Variants in KPNA7 observed in about 807,000 individuals in gnomAD.
The protein encoded by KPNA7 is karyopherin subunit alpha 7, also known as importin subunit alpha-8.
A neutral mutation model predicts 53.7 loss-of-function variants in KPNA7; 54 were observed. The observed-to-expected ratio is 1.01, with a 90% CI of 0.81 to 1.26. The LOEUF (loss-of-function observed/expected upper bound fraction) is 1.26, where lower values mean the gene tolerates loss of function less well. Among genes scored for constraint, KPNA7 ranks in the 50% most tolerant of loss-of-function variants. The pLI is 0.00. For missense variants in KPNA7, 640 were observed against 644.5 expected, an observed-to-expected ratio of 0.99 and a Z score of 0.07; for synonymous variants, 276 against 259.3, an observed-to-expected ratio of 1.06 and a Z score of -0.62.
chr7:99,185,025 G>A lies in KPNA7; in HGVS notation c.1038C>T (p.Ala346=), dbSNP rs1288715915. ...CCGCTGCTACGTTGCTCAGGGCCCA[G>A]GCTGCCTCCTTCTGGATGGAGGGCT... ...HNKPSIQKEA[A]WALSNVAAGP... is the part of the protein sequence containing the mutation. Residue 346 remains alanine (A), a synonymous_variant, in exon 8 of 11, where the codon GCC becomes GCT. Coordinates refer to ENST00000327442, the MANE Select transcript of KPNA7 (RefSeq NM_001145715.3). 1.0e-5 allele frequency: 16 copies of A among 1,551,808 alleles called. No homozygotes were observed. Among genetic ancestry groups the A allele is most frequent in the African/African-American group, 2.7e-5 (2 of 73,044 alleles).
the KPNA7 span, among the ~76,000 whole-genome samples, chr7:99,163,378 T>TAC: frequency 1.4e-5 from 1 of 70,376 alleles, no homozygotes; most frequent in African/African-American, 5.6e-5. Flanking sequence ...TATATATATA[T>TAC]ATATATTTTT....
At chr7:99,167,631 T>TGCA in the KPNA7 span, among the ~76,000 whole-genome samples, 1 of 126,690 alleles carries the variant, frequency 7.9e-6, no homozygotes, top group African/African-American at 3.2e-5. Flanking sequence ...TTTTTTTTTT[T>TGCA]TTTTTTTTTT....
At chr7:99,160,819 A>G in the KPNA7 span, among the ~76,000 whole-genome samples, 1 of 151,968 alleles carries the variant, frequency 6.6e-6, no homozygotes, top group Non-Finnish European at 1.5e-5. Flanking sequence ...ACACCTCTGC[A>G]TAGCTCCTCC....
chr7:99,197,802 G>A (rs947003792), intron 3 of KPNA7, among the ~76,000 whole-genome samples: 3 of 152,156 alleles, frequency 2.0e-5, no homozygotes, highest in African/African-American at 7.2e-5. Flanking sequence ...ACACACAAGA[G>A]AGACTGAAGA....
intron 1 of KPNA7, among the ~76,000 whole-genome samples, chr7:99,216,611 G>A (rs774103547): frequency 2.6e-5 from 4 of 152,028 alleles, no homozygotes; most frequent in African/African-American, 4.8e-5. Context: ...GCCCAGGCTA[G>A]AATGCAGTGG....
chr7:99,205,765 C>T (rs13236896), intron 2 of KPNA7, among the ~76,000 whole-genome samples: 12,045 of 150,802 alleles, frequency 0.08, 509 homozygotes, highest in South Asian at 0.15. Flanking sequence ...GCAGGAGAAT[C>T]GCTTGAACCT....
chr7:99,185,256 A>G (rs778701640), intron 7 of KPNA7, 94 bp from the exon 8 acceptor site: 10 of 846,184 alleles, frequency 1.2e-5, no homozygotes, highest in Non-Finnish European at 1.9e-5. Context: ...AAACATTGTC[A>G]TGCTATAGCC....
the KPNA7 span, among the ~76,000 whole-genome samples, chr7:99,161,229 CT>C: frequency 1.2e-3 from 2 of 1,632 alleles, no homozygotes; most frequent in Non-Finnish European, 4.6e-3. Context: ...CAAACTCTCT[CT>C]CTCTCTCTCT....
chr7:99,202,297 G>A (rs1166084090), intron 3 of KPNA7, among the ~76,000 whole-genome samples: 1 of 152,086 alleles, frequency 6.6e-6, no homozygotes, highest in Non-Finnish European at 1.5e-5. Flanking sequence ...CCATTATTGA[G>A]GTGCTAAGAA....
chr7:99,158,216 A>G, the KPNA7 span, among the ~76,000 whole-genome samples: 1 of 151,936 alleles, frequency 6.6e-6, no homozygotes, highest in Non-Finnish European at 1.5e-5. Context: ...TTAAATTTTC[A>G]CAATGATATG....
downstream of KPNA7, among the ~76,000 whole-genome samples, chr7:99,168,631 C>A (rs1217251437): frequency 6.6e-6 from 1 of 152,112 alleles, no homozygotes; most frequent in East Asian, 1.9e-4. Context: ...CCACCTCAGG[C>A]TCCCAAGCAG....
At chr7:99,214,419 G>T (rs1791153293) in intron 1 of KPNA7, among the ~76,000 whole-genome samples, 1 of 150,168 alleles carries the variant, frequency 6.7e-6, no homozygotes, top group African/African-American at 2.5e-5. Flanking sequence ...CTCCAGTCTG[G>T]GTGACAGAGC....
chr7:99,171,856 C>T (rs1255222015), downstream of KPNA7, among the ~76,000 whole-genome samples: 1 of 152,142 alleles, frequency 6.6e-6, no homozygotes, highest in Non-Finnish European at 1.5e-5. Flanking sequence ...ATGGTAAAAG[C>T]CGATCCCAGG....
chr7:99,180,701 C>CTG (rs1180288220), intron 9 of KPNA7, among the ~76,000 whole-genome samples: 1 of 87,754 alleles, frequency 1.1e-5, no homozygotes, highest in Non-Finnish European at 2.6e-5. Context: ...GTGTCTCTGT[C>CTG]TGTGTCTCTC....
At chr7:99,181,330 A>C (rs1799263871) in intron 9 of KPNA7, among the ~76,000 whole-genome samples, 1 of 151,950 alleles carries the variant, frequency 6.6e-6, no homozygotes, top group Middle Eastern at 3.2e-3. Flanking sequence ...ATAACTCCCT[A>C]CCTGATGTGT....
At chr7:99,171,570 G>T (rs1225308265), downstream of KPNA7, among the ~76,000 whole-genome samples, 1 of 151,946 alleles carries the variant, frequency 6.6e-6, no homozygotes, top group African/African-American at 2.4e-5. Flanking sequence ...GCTTCCCAAA[G>T]CCAAATTAAT....
Position 99,193,100 on chromosome 7 carries a change from A to T in KPNA7, c.555T>A (p.Gly185=), listed in dbSNP as rs1368480254. 1.4e-6 allele frequency: 2 copies of T among 1,474,878 alleles called. No individual in the cohort carries two copies. Among genetic ancestry groups the T allele is most frequent in the East Asian group, 5.2e-5 (2 of 38,306 alleles). The allele number at this position is 1,474,878 out of a possible 1,614,324, so 91.4% of individuals were successfully genotyped here. A position where few individuals can be genotyped will look rare whatever the true frequency, so the allele number is the denominator to read the frequency against. Reference sequence around the variant, plus strand: ...CGTTATCTCTGAACTCTGGGCCATCACCTACAAATAGAGCAGAATGTGACA... The same window carrying T: ...CGTTATCTCTGAACTCTGGGCCATCTCCTACAAATAGAGCAGAATGTGACA... ...QAVWALGNIA[G]DGPEFRDNVI... The change falls in exon 6 of 11, where the codon GGT becomes GGA. Residue 185 remains glycine (G), a splice_region_variant and synonymous_variant. Coordinates refer to ENST00000327442, the MANE Select transcript of KPNA7 (RefSeq NM_001145715.3).
intron 2 of KPNA7, 143 bp downstream of exon 2, chr7:99,207,258 C>T: frequency 1.4e-6 from 1 of 692,650 alleles, no homozygotes; most frequent in South Asian, 1.7e-5. Flanking sequence ...TCGTCTTAAC[C>T]TCCTGACCTT....
At chr7:99,204,656 G>T (rs754137032) in intron 2 of KPNA7, among the ~76,000 whole-genome samples, 39 of 152,126 alleles carry the variant, frequency 2.6e-4, no homozygotes, top group Non-Finnish European at 5.1e-4. Flanking sequence ...CAGGAGGATT[G>T]CTTGAGCTCA....
Sources: gnomAD v4.1 joint callset for allele counts (sites outside exome capture counted in the v4.1 genomes callset) on GRCh38, gnomAD v4.1.1 for gene constraint, MANE v1.5 for transcripts, NCBI Gene and HGNC (gene_info 2026-07-23, HGNC 2026-07-21) for gene names.